Variants in SLC6A15 observed in about 807,000 individuals in gnomAD.
SLC6A15 encodes sodium-dependent neutral amino acid transporter B(0)AT2.
In SLC6A15, 33 loss-of-function variants were observed where a neutral mutation model predicts 68.5. That is an observed-to-expected ratio of 0.48 (90% CI 0.37 to 0.64). The LOEUF is 0.64. Among genes scored for constraint, SLC6A15 ranks in the 30% least tolerant of loss-of-function variants. The probability of loss-of-function intolerance (pLI) is 0.00; values close to 1 mark genes in which losing one functional copy is unlikely to be tolerated. For missense variants in SLC6A15, 747 were observed against 874.3 expected (o/e 0.85, Z 1.84); for synonymous variants, 347 against 301.0 (o/e 1.15, Z -1.58).
intron 11 of SLC6A15, among the ~76,000 whole-genome samples, chr12:84,862,376 G>A (rs1870891293): frequency 6.6e-6 from 1 of 152,112 alleles, no homozygotes; most frequent in Admixed American, 6.6e-5. Flanking sequence ...ATAAATCAAT[G>A]TCGCTCTTAG....
chr12:84,876,803 C>T (rs760980710), intron 5 of SLC6A15, among the ~76,000 whole-genome samples, 196 bp from the exon 6 acceptor site: 1 of 152,080 alleles, frequency 6.6e-6, no homozygotes, highest in Non-Finnish European at 1.5e-5. Context: ...ATTTGAGATA[C>T]AATTTACATT....
chr12:84,868,115 C>T (rs1473267428), intron 9 of SLC6A15, among the ~76,000 whole-genome samples: 1 of 152,098 alleles, frequency 6.6e-6, no homozygotes, highest in African/African-American at 2.4e-5. Flanking sequence ...TATGAACACT[C>T]CCTAACAATT....
chr12:84,878,911 A>G (rs561753328), intron 5 of SLC6A15, among the ~76,000 whole-genome samples: 4 of 151,816 alleles, frequency 2.6e-5, no homozygotes, highest in Non-Finnish European at 4.4e-5. Flanking sequence ...TTGCCTCCAG[A>G]TTCTGTTAGC....
At chr12:84,871,562 A>C (rs1871284007) in intron 8 of SLC6A15, among the ~76,000 whole-genome samples, 1 of 152,050 alleles carries the variant, frequency 6.6e-6, no homozygotes. Flanking sequence ...GTTGTCTCAT[A>C]AAGACAGATG....
At chr12:84,891,772 T>C (rs1872406602) in intron 2 of SLC6A15, 60 bp downstream of exon 2, 2 of 1,444,554 alleles carry the variant, frequency 1.4e-6, no homozygotes, top group Middle Eastern at 1.8e-4. Flanking sequence ...TAATAGGAGC[T>C]ATTTGAGAAA....
At chr12:84,881,937 C>G (rs754144789) in intron 5 of SLC6A15, 8 of 985,176 alleles carry the variant, frequency 8.1e-6, no homozygotes, top group Non-Finnish European at 9.6e-6. Flanking sequence ...ATTCTTTCTT[C>G]AAATATTGCC....
At chr12:84,889,112 G>A (rs1872260397) in intron 2 of SLC6A15, among the ~76,000 whole-genome samples, 1 of 151,738 alleles carries the variant, frequency 6.6e-6, no homozygotes, top group African/African-American at 2.4e-5. Flanking sequence ...TGCTGGGTTT[G>A]CTTCCTTTAG....
chr12:84,882,253 G>C (rs1871853081), intron 5 of SLC6A15: 1 of 985,026 alleles, frequency 1.0e-6, no homozygotes. Flanking sequence ...AATATGGTTA[G>C]GTCTTATTTA....
rs766876266 is a variant in SLC6A15 at position 84,892,043 on chromosome 12, A to C, written c.78T>G (p.Asn26Lys). The C allele has an allele frequency of 6.2e-7, 1 of 1,613,502 alleles. No individual in the cohort carries two copies. The highest frequency in any genetic ancestry group is 1.1e-5 in the South Asian group (1 of 91,032). ...VTESVKDLLS[N>K]EDAADDAFKT... ...TAAAAGCATCATCAGCTGCGTCTTC[A>C]TTGGAAAGAAGGTCTTTGACAGACT... Residue 26 changes from asparagine to lysine, a missense_variant, in exon 2 of 12, where the codon AAT becomes AAG. Transcript: ENST00000266682.
intron 5 of SLC6A15, among the ~76,000 whole-genome samples, chr12:84,880,248 G>C (rs1245917349): frequency 6.6e-6 from 1 of 152,162 alleles, no homozygotes; most frequent in Admixed American, 6.5e-5. Context: ...GATTTAAAAA[G>C]ATGTGTCTTA....
intron 5 of SLC6A15, chr12:84,883,288 T>C: frequency 1.0e-6 from 1 of 985,776 alleles, no homozygotes; most frequent in Non-Finnish European, 1.2e-6. Context: ...CATTCTAATT[T>C]TCAATTTGCC....
At chr12:84,906,605 A>T (rs1476868772) in intron 1 of SLC6A15, among the ~76,000 whole-genome samples, 1 of 152,200 alleles carries the variant, frequency 6.6e-6, no homozygotes, top group Admixed American at 6.5e-5. Flanking sequence ...GTAACAGAAG[A>T]GGCTACCCAG....
intron 11 of SLC6A15, among the ~76,000 whole-genome samples, chr12:84,862,813 A>T (rs1347681717): frequency 6.6e-6 from 1 of 152,170 alleles, no homozygotes; most frequent in African/African-American, 2.4e-5. Context: ...TGAGTGATTG[A>T]TAGTGACTTG....
intron 1 of SLC6A15, among the ~76,000 whole-genome samples, chr12:84,893,783 G>A (rs1454504786): frequency 2.6e-5 from 4 of 152,134 alleles, no homozygotes; most frequent in Non-Finnish European, 5.9e-5. Flanking sequence ...GTTGCCTTTA[G>A]GTTGGGATGA....
chr12:84,863,362 G>A, intron 11 of SLC6A15, 77 bp downstream of exon 11: 2 of 1,071,680 alleles, frequency 1.9e-6, no homozygotes, highest in Non-Finnish European at 2.7e-6. Context: ...ATACTGTGAT[G>A]GAGACAAAAG....
chr12:84,863,694 C>T (rs891225039), intron 10 of SLC6A15, 93 bp from the exon 11 acceptor site: 9 of 856,182 alleles, frequency 1.1e-5, no homozygotes, highest in African/African-American at 3.6e-5. Context: ...CAAACATTTA[C>T]CATTGATACC....
intron 5 of SLC6A15, chr12:84,882,530 G>T: frequency 1.2e-6 from 1 of 856,314 alleles, no homozygotes; most frequent in Non-Finnish European, 1.4e-6. Flanking sequence ...TAAAGTAACA[G>T]GAAGCAAAGA....
chr12:84,878,871 T>C lies in SLC6A15; in HGVS notation c.757-2264A>G, dbSNP rs2120607749. The stretch of plus-strand genomic sequence containing the variant: ...CTTCACCTCTCAATAGCACAACACC[T>C]TTCAGTATGAAAACAGTTTCCTGCT... On this transcript the variant is annotated intron_variant, in intron 5 of 11. Coordinates refer to ENST00000266682, the MANE Select transcript of SLC6A15 (RefSeq NM_182767.6). Among the ~76,000 whole-genome samples the C allele has an allele frequency of 2.0e-5, 3 of 152,060 alleles. No homozygotes were observed. In the South Asian group the frequency reaches 6.2e-4, roughly 32 times the overall value.
chr12:84,861,662 A>T lies in SLC6A15; in HGVS notation c.2163T>A (p.Ile721=). 1 of 1,604,462 alleles carries T rather than the reference A, an allele frequency of 6.2e-7. No individual in the cohort carries two copies. The highest frequency in any genetic ancestry group is 8.5e-7 in the Non-Finnish European group (1 of 1,172,964). ...RYGIGYLMAD[I]MPDMPESDL ...AATCAGATTCTGGCATATCTGGCAT[A>T]ATATCTGCCATCAAGTACCCTATTC... is the stretch of plus-strand genomic sequence containing the variant. The change falls in exon 12 of 12, where the codon ATT becomes ATA. Residue 721 remains isoleucine, a synonymous_variant. Transcript: ENST00000266682.
Sources: allele counts gnomAD v4.1 joint callset (sites outside exome capture counted in the v4.1 genomes callset), GRCh38; gene constraint gnomAD v4.1.1; transcripts MANE v1.5; gene names NCBI Gene and HGNC (gene_info 2026-07-23, HGNC 2026-07-21).